MGAM2: variants seen among roughly 807,000 people sequenced by gnomAD.
The protein encoded by MGAM2 is probable maltase-glucoamylase 2.
Under a neutral mutation model 96.1 loss-of-function variants are expected in MGAM2, and 98 were observed. That is an observed-to-expected ratio of 1.02 (90% CI 0.87 to 1.21). The LOEUF (loss-of-function observed/expected upper bound fraction) is 1.21, where lower values mean the gene tolerates loss of function less well. Among genes scored for constraint, MGAM2 ranks in the 50% most tolerant of loss-of-function variants. The pLI, the probability that MGAM2 is intolerant of heterozygous loss-of-function variation, is 0.00. For missense variants in MGAM2, 2,055 were observed against 1,182.4 expected, an observed-to-expected ratio of 1.74 and a Z score of -10.82; for synonymous variants, 749 against 414.8, an observed-to-expected ratio of 1.81 and a Z score of -9.79.
At chr7:142,132,276 G>A (rs1794911735) in intron 6 of MGAM2, among the ~76,000 whole-genome samples, 191 bp downstream of exon 6, 1 of 148,332 alleles carries the variant, frequency 6.7e-6, no homozygotes, top group Admixed American at 6.8e-5. Flanking sequence ...AATACTAAAA[G>A]GTAATACTAA....
At chr7:142,211,126 C>T (rs1450426830) in intron 46 of MGAM2, among the ~76,000 whole-genome samples, 4 of 152,168 alleles carry the variant, frequency 2.6e-5, no homozygotes, top group East Asian at 1.9e-4. Context: ...AACTAACAAA[C>T]AGAAAGCAAT....
chr7:142,169,377 G>T (rs1040789461), intron 26 of MGAM2, among the ~76,000 whole-genome samples: 4 of 151,764 alleles, frequency 2.6e-5, no homozygotes, highest in East Asian at 1.9e-4. Context: ...AGCCGAGATC[G>T]CACCACTGCA....
chr7:142,165,725 A>C (rs184028460), intron 24 of MGAM2, among the ~76,000 whole-genome samples: 2 of 152,338 alleles, frequency 1.3e-5, no homozygotes, highest in Admixed American at 6.5e-5. Flanking sequence ...ATTAATGGAG[A>C]TCATGCTTAT....
chr7:142,148,269 A>C lies in MGAM2; in HGVS notation c.1634+696A>C, dbSNP rs1585163109. ...CACAGTTATCACCACCATCCCCCCCACCACCACAATCACTATCACCATCAC... is the reference window on the plus strand; with the variant it reads ...CACAGTTATCACCACCATCCCCCCCCCCACCACAATCACTATCACCATCAC... On this transcript the variant is annotated intron_variant, in intron 15 of 47. Coordinates refer to ENST00000477922, the MANE Select transcript of MGAM2 (RefSeq NM_001293626.2). The surrounding 1 kb of genome is among the most constrained non-coding windows in gnomAD (Gnocchi z 4.2). Among the ~76,000 whole-genome samples the C allele has an allele frequency of 1.3e-5, 2 of 150,862 alleles. No homozygotes were observed. The highest frequency in any genetic ancestry group is 4.9e-5 in the African/African-American group (2 of 41,042).
chr7:142,146,147 T>TTTG (rs1395919844), intron 14 of MGAM2, among the ~76,000 whole-genome samples: 3 of 149,562 alleles, frequency 2.0e-5, no homozygotes, highest in Non-Finnish European at 4.4e-5. Context: ...ATCATGTTTT[T>TTTG]TTTTTTTTTT....
At chr7:142,135,037 C>T (rs1233140692) in intron 7 of MGAM2, among the ~76,000 whole-genome samples, 1 of 152,138 alleles carries the variant, frequency 6.6e-6, no homozygotes, top group Non-Finnish European at 1.5e-5. Context: ...CTTTGAGTCA[C>T]ATAGGTTTGT....
chr7:142,181,254 G>A (rs1796530617), intron 32 of MGAM2, among the ~76,000 whole-genome samples: 2 of 152,130 alleles, frequency 1.3e-5, no homozygotes, highest in South Asian at 4.1e-4. Flanking sequence ...TTTGACTGTG[G>A]TGTATGTTGA....
chr7:142,162,383 G>A (rs940434836), intron 23 of MGAM2, among the ~76,000 whole-genome samples: 4 of 152,012 alleles, frequency 2.6e-5, no homozygotes, highest in Admixed American at 1.3e-4. Flanking sequence ...TTTGTAGCAC[G>A]TAAAACTTGG....
intron 32 of MGAM2, among the ~76,000 whole-genome samples, chr7:142,182,294 C>A (rs1796568708): frequency 6.6e-6 from 1 of 152,160 alleles, no homozygotes; most frequent in Non-Finnish European, 1.5e-5. Flanking sequence ...ACCAGCAAAG[C>A]ACTCAGGTGG....
intron 45 of MGAM2, among the ~76,000 whole-genome samples, chr7:142,202,020 G>C (rs1797252100): frequency 6.6e-6 from 1 of 152,134 alleles, no homozygotes; most frequent in Non-Finnish European, 1.5e-5. Flanking sequence ...ACATGCAACA[G>C]CATGGATGAA....
intron 12 of MGAM2, among the ~76,000 whole-genome samples, chr7:142,142,948 G>A (rs1359486557): frequency 1.3e-5 from 2 of 152,122 alleles, no homozygotes; most frequent in East Asian, 3.9e-4. Flanking sequence ...CCTGTTTCCT[G>A]GGGTGCAGAG....
At chr7:142,146,038 T>C (rs938237274) in intron 14 of MGAM2, among the ~76,000 whole-genome samples, 1 of 152,154 alleles carries the variant, frequency 6.6e-6, no homozygotes, top group African/African-American at 2.4e-5. Flanking sequence ...AGGAAGTCTT[T>C]ACCTCTTGCA....
intron 22 of MGAM2, 117 bp from the exon 23 acceptor site, chr7:142,161,838 C>A: frequency 2.0e-6 from 1 of 511,078 alleles, no homozygotes; most frequent in South Asian, 3.1e-5. Flanking sequence ...ATGCACAGAA[C>A]TCAGATGAGC....
rs1174014329 is a variant in MGAM2, at chr7:142,220,396, C to A, written c.5885C>A (p.Ala1962Asp). ...AATGCTACTGTTCCCGATACAACTG[C>A]CCCTTTCCCAACAAATACTACTACT... ...TTNATVPDTT[A>D]PFPTNTTTAS... The change falls in exon 48 of 48, where the codon GCC becomes GAC. Residue 1962 changes from alanine to aspartate, a missense_variant. Coordinates refer to ENST00000477922, the MANE Select transcript of MGAM2 (RefSeq NM_001293626.2). 1.4e-6 allele frequency: 1 copy of A among 702,606 alleles called. No individual in the cohort carries two copies. The highest frequency in any genetic ancestry group is 2.6e-6 in the Non-Finnish European group (1 of 384,894). The allele number at this position is 702,606 out of a possible 1,614,324, so 43.5% of individuals were successfully genotyped here.
At chr7:142,133,797 A>T (rs777090948) in intron 6 of MGAM2, among the ~76,000 whole-genome samples, 184 bp from the exon 7 acceptor site, 1 of 152,126 alleles carries the variant, frequency 6.6e-6, no homozygotes, top group African/African-American at 2.4e-5. Flanking sequence ...TCCTGGCCCT[A>T]ATGCTGTCTT....
intron 46 of MGAM2, among the ~76,000 whole-genome samples, chr7:142,216,376 G>A (rs1797761484): frequency 6.6e-6 from 1 of 152,084 alleles, no homozygotes; most frequent in African/African-American, 2.4e-5. Context: ...TAAAACATTA[G>A]ATTGCCCTTT....
In MGAM2 at chr7:142,138,571, T is replaced by C. The variant is rs1795127471; in HGVS notation, c.990T>C (p.Tyr330=). 1.4e-6 allele frequency: 1 copy of C among 703,256 alleles called. No homozygotes were observed. The highest frequency in any genetic ancestry group is 1.5e-5 in the South Asian group (1 of 67,604). 43.6% of individuals were successfully genotyped at this position (703,256 alleles called of 1,614,324 possible). ...TTGGACGGCCATTCTTCCCTCCCTATTGGAGTCTTGGGTTCCAGCTTAGTC... is the reference window on the plus strand; with the variant it reads ...TTGGACGGCCATTCTTCCCTCCCTACTGGAGTCTTGGGTTCCAGCTTAGTC... ...ELVGRPFFPP[Y]WSLGFQLSRR... is the part of the protein sequence containing the mutation. Residue 330 remains tyrosine (Y), a synonymous_variant, in exon 10 of 48, where the codon TAT becomes TAC. Transcript: ENST00000477922.
intron 32 of MGAM2, 55 bp from the exon 33 acceptor site, chr7:142,183,211 A>T: frequency 1.5e-6 from 1 of 669,152 alleles, no homozygotes; most frequent in Non-Finnish European, 2.7e-6. Context: ...TTTGGAGAGA[A>T]ATTTTCTTAG....
At chr7:142,152,992 CTTTTTTT>C (rs10559271) in intron 15 of MGAM2, among the ~76,000 whole-genome samples, 4 of 117,104 alleles carry the variant, frequency 3.4e-5, no homozygotes, top group South Asian at 2.8e-4. Flanking sequence ...GCTTTTATTC[CTTTTTTT>C]TTTTTTTTTT....
Sources: allele counts gnomAD v4.1 joint callset (sites outside exome capture counted in the v4.1 genomes callset), GRCh38; gene constraint gnomAD v4.1.1; non-coding constraint Gnocchi (gnomAD v3.1); transcripts MANE v1.5; gene names NCBI Gene and HGNC (gene_info 2026-07-23, HGNC 2026-07-21).